The following CHST11 variants were observed in gnomAD, a reference collection of about 807,000 sequenced individuals.
CHST11 encodes carbohydrate sulfotransferase 11.
Under a neutral mutation model 30.4 loss-of-function variants are expected in CHST11, and 9 were observed. That is an observed-to-expected ratio of 0.30 (90% CI 0.18 to 0.52). The LOEUF (loss-of-function observed/expected upper bound fraction) is 0.52. Among genes scored for constraint, CHST11 ranks in the 20% least tolerant of loss-of-function variants. The pLI is 0.97. For missense variants in CHST11, 348 were observed against 460.6 expected (o/e 0.76, Z 2.24); for synonymous variants, 152 against 187.8 (o/e 0.81, Z 1.56).
chr12:104,548,919 C>T (rs1398266914), intron 1 of CHST11, among the ~76,000 whole-genome samples: 2 of 152,180 alleles, frequency 1.3e-5, no homozygotes, highest in East Asian at 1.9e-4. Context: ...GAACTAGGCT[C>T]CTTATCATCA....
At chr12:104,670,750 C>T (rs560007085) in intron 2 of CHST11, among the ~76,000 whole-genome samples, 1 of 150,458 alleles carries the variant, frequency 6.6e-6, no homozygotes, top group African/African-American at 2.5e-5. Context: ...CACACATACC[C>T]CTCACATACA....
intron 2 of CHST11, among the ~76,000 whole-genome samples, chr12:104,693,371 A>G (rs1017739772): frequency 6.6e-6 from 1 of 152,214 alleles, no homozygotes; most frequent in East Asian, 1.9e-4. Context: ...CTACTATGCC[A>G]TACCTAGGGT....
At position 104,505,218 on chromosome 12, in the gene CHST11, G is replaced by A. The variant is rs530491245; in HGVS notation, c.118+47689G>A. On this transcript the variant is annotated intron_variant, in intron 1 of 2. Coordinates refer to ENST00000303694, the MANE Select transcript of CHST11 (RefSeq NM_018413.6). ...TGGGGGCTATTTCACTTTCCCAGGG[G>A]ACGTTTAGCAATGCTGGAGACATTT... Among the ~76,000 whole-genome samples the A allele has an allele frequency of 3.9e-5, 6 of 152,262 alleles. No individual in the cohort carries two copies. In the South Asian group the frequency reaches 8.3e-4, roughly 21 times the overall value.
chr12:104,478,244 A>G (rs557594897), intron 1 of CHST11, among the ~76,000 whole-genome samples: 49 of 152,258 alleles, frequency 3.2e-4, no homozygotes, highest in African/African-American at 1.2e-3. Context: ...TGTTACTTAT[A>G]TCTCCAGAAG....
intron 1 of CHST11, among the ~76,000 whole-genome samples, chr12:104,499,733 G>A (rs2037834605): frequency 6.6e-6 from 1 of 152,116 alleles, no homozygotes; most frequent in Non-Finnish European, 1.5e-5. Flanking sequence ...TCAAAAATAG[G>A]GGTGGGTTTT....
intron 1 of CHST11, among the ~76,000 whole-genome samples, chr12:104,564,647 T>C (rs2038543910): frequency 6.6e-6 from 1 of 152,208 alleles, no homozygotes; most frequent in South Asian, 2.1e-4. Context: ...GCCTCTTTTT[T>C]CCCCAAGTCT....
intron 2 of CHST11, among the ~76,000 whole-genome samples, chr12:104,637,302 T>TTAA (rs1555239319): frequency 1.6e-5 from 1 of 62,594 alleles, no homozygotes; most frequent in African/African-American, 8.4e-5. Flanking sequence ...TGAGACCCTG[T>TTAA]AAAAAAAAAA....
At chr12:104,510,357 G>A (rs923768225) in intron 1 of CHST11, among the ~76,000 whole-genome samples, 1 of 152,178 alleles carries the variant, frequency 6.6e-6, no homozygotes. Context: ...AGAAATGGGG[G>A]AAGGGTTGGA....
chr12:104,717,500 G>T (rs1259834467), intron 2 of CHST11, among the ~76,000 whole-genome samples: 4 of 152,112 alleles, frequency 2.6e-5, no homozygotes, highest in Non-Finnish European at 5.9e-5. Flanking sequence ...TAGGCTGGGC[G>T]CTGTGGCTCA....
At chr12:104,680,678 C>T (rs2039786732) in intron 2 of CHST11, among the ~76,000 whole-genome samples, 1 of 152,228 alleles carries the variant, frequency 6.6e-6, no homozygotes, top group East Asian at 1.9e-4. Flanking sequence ...AAGTCAGTTC[C>T]TCTCAATCCC....
chr12:104,745,148 A>G (rs928694086), intron 2 of CHST11, among the ~76,000 whole-genome samples: 13 of 152,332 alleles, frequency 8.5e-5, no homozygotes, highest in African/African-American at 3.1e-4. Context: ...TGCTGGGATT[A>G]CAGGCATAAG....
chr12:104,730,354 C>T (rs1038026858), intron 2 of CHST11, among the ~76,000 whole-genome samples: 3 of 152,222 alleles, frequency 2.0e-5, no homozygotes, highest in African/African-American at 4.8e-5. Flanking sequence ...ATAATCCACA[C>T]AAAACCTTTG....
chr12:104,711,749 A>G (rs903248), intron 2 of CHST11, among the ~76,000 whole-genome samples: 88,446 of 152,024 alleles, frequency 0.58, 26,543 homozygotes, highest in Non-Finnish European at 0.66. Flanking sequence ...AAACTTTGGA[A>G]GGAAATAGCT....
At chr12:104,669,587 G>C (rs1410866532) in intron 2 of CHST11, among the ~76,000 whole-genome samples, 1 of 152,168 alleles carries the variant, frequency 6.6e-6, no homozygotes, top group Non-Finnish European at 1.5e-5. Flanking sequence ...TTTGTAGAGT[G>C]CTCCCCCTTT....
intron 2 of CHST11, among the ~76,000 whole-genome samples, chr12:104,622,652 G>A (rs554069119): frequency 7.2e-5 from 11 of 152,204 alleles, no homozygotes; most frequent in Non-Finnish European, 1.3e-4. Context: ...CCGGTTCAGA[G>A]CAGACACCCC....
At chr12:104,719,634 G>A (rs2040157969) in intron 2 of CHST11, among the ~76,000 whole-genome samples, 1 of 152,192 alleles carries the variant, frequency 6.6e-6, no homozygotes, top group South Asian at 2.1e-4. Flanking sequence ...GCAAATGACT[G>A]GCTGGCGTTA....
At chr12:104,562,850 C>T (rs185122203) in intron 1 of CHST11, among the ~76,000 whole-genome samples, 97 of 152,256 alleles carry the variant, frequency 6.4e-4, no homozygotes, top group African/African-American at 1.6e-3. Flanking sequence ...CAATTCATGA[C>T]GACTGGACAT....
intron 1 of CHST11, among the ~76,000 whole-genome samples, chr12:104,597,405 G>A (rs1039919391): frequency 3.3e-5 from 5 of 152,070 alleles, no homozygotes; most frequent in Non-Finnish European, 5.9e-5. Flanking sequence ...GAAGCCTGCC[G>A]TTAAATGTCC....
At chr12:104,473,019 C>T (rs940421576) in intron 1 of CHST11, among the ~76,000 whole-genome samples, 1 of 152,096 alleles carries the variant, frequency 6.6e-6, no homozygotes, top group East Asian at 1.9e-4. Flanking sequence ...GCTCTGAATG[C>T]TCTAAAGTTT....
Sources: allele counts gnomAD v4.1 joint callset (sites outside exome capture counted in the v4.1 genomes callset), GRCh38; gene constraint gnomAD v4.1.1; transcripts MANE v1.5; gene names NCBI Gene and HGNC (gene_info 2026-07-23, HGNC 2026-07-21).